The following CACNA1I variants were observed in gnomAD, a reference collection of about 807,000 sequenced individuals.
The protein encoded by CACNA1I is voltage-dependent T-type calcium channel subunit alpha-1I.
CACNA1I carries 74 observed loss-of-function variants against 201.6 expected under a neutral mutation model. The ratio of observed to expected loss-of-function variants is 0.37; its 90% confidence interval spans 0.30 to 0.45. The LOEUF is 0.45. CACNA1I is among the 20% of genes least tolerant of loss of function. CACNA1I has a pLI of 1.00. For missense variants in CACNA1I, 2,346 were observed against 3,138.1 expected (o/e 0.75, Z 6.03); for synonymous variants, 1,431 against 1,345.2 (o/e 1.06, Z -1.40).
chr22:39,647,889 T>C lies in CACNA1I; in HGVS notation c.1530T>C (p.His510=). The C allele has an allele frequency of 6.2e-7, 1 of 1,613,654 alleles. No individual in the cohort carries two copies. The highest frequency in any genetic ancestry group is 8.5e-7 in the Non-Finnish European group (1 of 1,179,836). ...HLGSRHCQTL[H]GPASPGNDHS... is the part of the protein sequence containing the mutation. ...GAAGCCGGCATTGCCAGACTTTGCATGGGCCTGCCTCCCCTGGAAATGATC... is the reference window on the plus strand; with the variant it reads ...GAAGCCGGCATTGCCAGACTTTGCACGGGCCTGCCTCCCCTGGAAATGATC... Residue 510 remains histidine (H), a synonymous_variant, in exon 9 of 37, where the codon CAT becomes CAC. Transcript: ENST00000402142.
intron 1 of CACNA1I, among the ~76,000 whole-genome samples, chr22:39,577,876 C>G (rs745312714): frequency 1.3e-5 from 2 of 152,252 alleles, no homozygotes; most frequent in African/African-American, 4.8e-5. Flanking sequence ...GTGGCCTTGG[C>G]CAAGTTCCTT....
intron 1 of CACNA1I, among the ~76,000 whole-genome samples, chr22:39,581,588 A>C (rs1388236180): frequency 6.6e-6 from 1 of 152,144 alleles, no homozygotes; most frequent in East Asian, 1.9e-4. Context: ...TAATTGAAGG[A>C]GAACTAGAAA....
intron 2 of CACNA1I, among the ~76,000 whole-genome samples, chr22:39,600,177 G>A (rs1932993442): frequency 6.6e-6 from 1 of 152,218 alleles, no homozygotes; most frequent in South Asian, 2.1e-4. Context: ...GGTCAAGTGT[G>A]TAGCCAGTGC....
chr22:39,593,071 C>T (rs1016656693), intron 1 of CACNA1I, among the ~76,000 whole-genome samples: 2 of 152,232 alleles, frequency 1.3e-5, no homozygotes, highest in African/African-American at 4.8e-5. Flanking sequence ...CTGAGACCAT[C>T]CATTGCTGAA....
chr22:39,678,743 A>G (rs367986866), intron 31 of CACNA1I, among the ~76,000 whole-genome samples: 1 of 152,146 alleles, frequency 6.6e-6, no homozygotes, highest in Admixed American at 6.5e-5. Flanking sequence ...CCAGAAAGGA[A>G]GGACAGGGAG....
Position 39,615,248 on chromosome 22 carries a change from G to C in CACNA1I, c.483-4062G>C, listed in dbSNP as rs147535923. The stretch of plus-strand genomic sequence containing the variant: ...CCTGACATGGCACCTAGGGTGAGCA[G>C]ACACTCGGGGGAGATGGACGGAGGC... On this transcript the variant is annotated intron_variant, in intron 3 of 36. Transcript: ENST00000402142. Among the ~76,000 whole-genome samples, 220 of 152,354 alleles carry C rather than the reference G, an allele frequency of 1.4e-3. 6 individuals carry two copies. In the East Asian group the frequency reaches 0.016, roughly 11 times the overall value.
intron 3 of CACNA1I, among the ~76,000 whole-genome samples, chr22:39,610,039 A>C (rs1933341885): frequency 1.3e-5 from 2 of 152,194 alleles, no homozygotes; most frequent in Non-Finnish European, 2.9e-5. Flanking sequence ...GGATGCCCAG[A>C]AGCCTTTGGA....
intron 3 of CACNA1I, among the ~76,000 whole-genome samples, 157 bp from the exon 4 acceptor site, chr22:39,619,153 G>A (rs1161905405): frequency 2.0e-5 from 3 of 152,192 alleles, no homozygotes; most frequent in Non-Finnish European, 4.4e-5. Flanking sequence ...ACCAACCCCA[G>A]GCCACATGTT....
At chr22:39,608,672 A>AT in intron 3 of CACNA1I, among the ~76,000 whole-genome samples, 1 of 133,180 alleles carries the variant, frequency 7.5e-6, no homozygotes, top group East Asian at 2.3e-4. Context: ...AACCACAGCT[A>AT]AAAAAAAAAA....
chr22:39,645,552 G>A (rs1051104522), intron 7 of CACNA1I, among the ~76,000 whole-genome samples: 2 of 152,334 alleles, frequency 1.3e-5, no homozygotes, highest in East Asian at 1.9e-4. Context: ...AGGATGGGAT[G>A]CCATCTTCTT....
rs916770261 is a variant in CACNA1I, at chr22:39,665,825, C to G, written c.3979-56C>G. On this transcript the variant is annotated intron_variant, in intron 22 of 36. Transcript: ENST00000402142. The surrounding 1 kb of genome is among the most constrained non-coding windows in gnomAD (Gnocchi z 5.5). ...GTAAACGCGATCGAGAGGCGAGTTCCTCTCTGACTTGCAACCCTCACCTGT... is the reference window on the plus strand; with the variant it reads ...GTAAACGCGATCGAGAGGCGAGTTCGTCTCTGACTTGCAACCCTCACCTGT... 3.6e-5 allele frequency: 58 copies of G among 1,610,394 alleles called. No homozygotes were observed. Among genetic ancestry groups the G allele is most frequent in the Non-Finnish European group, 4.7e-5 (55 of 1,177,274 alleles).
At chr22:39,609,560 G>C (rs1256405929) in intron 3 of CACNA1I, among the ~76,000 whole-genome samples, 1 of 152,232 alleles carries the variant, frequency 6.6e-6, no homozygotes, top group Non-Finnish European at 1.5e-5. Flanking sequence ...CAGGAAAGAA[G>C]GGTGAAGAGT....
chr22:39,631,950 C>T (rs561246572), intron 4 of CACNA1I, among the ~76,000 whole-genome samples: 1 of 152,082 alleles, frequency 6.6e-6, no homozygotes, highest in South Asian at 2.1e-4. Flanking sequence ...CTCTGTGGCC[C>T]TGGGACTCCC....
At position 39,687,663 on chromosome 22, in the gene CACNA1I, C is replaced by G. The variant is rs979411737; in HGVS notation, c.*1258C>G. 3 of 152,288 alleles carry G rather than the reference C, an allele frequency of 2.0e-5. No individual in the cohort carries two copies. Among genetic ancestry groups the G allele is most frequent in the African/African-American group, 7.2e-5 (3 of 41,436 alleles). The allele number at this position is 152,288 out of a possible 1,614,324, so 9.4% of individuals were successfully genotyped here. On this transcript the variant is annotated 3_prime_UTR_variant, in exon 37 of 37. Coordinates refer to ENST00000402142, the MANE Select transcript of CACNA1I (RefSeq NM_021096.4). Reference sequence around the variant, plus strand: ...CCTGCCAGCCCCTGTCTCTCCTCCCCGCTGCCCCTAACTGCAGCTCAGCTT... The same window carrying G: ...CCTGCCAGCCCCTGTCTCTCCTCCCGGCTGCCCCTAACTGCAGCTCAGCTT...
chr22:39,576,430 T>A (rs542188804), intron 1 of CACNA1I, among the ~76,000 whole-genome samples: 1 of 152,332 alleles, frequency 6.6e-6, no homozygotes, highest in African/African-American at 2.4e-5. Context: ...GGAGCTGGCA[T>A]CAAAACCCCG....
At chr22:39,611,872 T>A (rs1386577902) in intron 3 of CACNA1I, among the ~76,000 whole-genome samples, 1 of 152,186 alleles carries the variant, frequency 6.6e-6, no homozygotes, top group Non-Finnish European at 1.5e-5. Context: ...CCCAGCATTC[T>A]TCCCCCAAAT....
At chr22:39,609,514 C>G (rs946552924) in intron 3 of CACNA1I, among the ~76,000 whole-genome samples, 1 of 152,150 alleles carries the variant, frequency 6.6e-6, no homozygotes, top group Non-Finnish European at 1.5e-5. Context: ...CACAAGGCAG[C>G]CGGTGAAGCC....
chr22:39,671,599 C>G (rs1488674729), intron 26 of CACNA1I, among the ~76,000 whole-genome samples: 2 of 152,064 alleles, frequency 1.3e-5, no homozygotes, highest in Non-Finnish European at 2.9e-5. Flanking sequence ...TTCTAAAAAC[C>G]CTGATGGAGT....
intron 1 of CACNA1I, among the ~76,000 whole-genome samples, chr22:39,571,967 T>A (rs1932199369): frequency 6.7e-6 from 1 of 150,170 alleles, no homozygotes; most frequent in East Asian, 2.0e-4. Context: ...AGAGCGTTGG[T>A]TGGGTAGAGA....
Sources: allele counts gnomAD v4.1 joint callset (sites outside exome capture counted in the v4.1 genomes callset), GRCh38; gene constraint gnomAD v4.1.1; non-coding constraint Gnocchi (gnomAD v3.1); transcripts MANE v1.5; gene names NCBI Gene and HGNC (gene_info 2026-07-23, HGNC 2026-07-21).